Variants in HESX1 observed in about 807,000 individuals in gnomAD.
HESX1 encodes homeobox expressed in ES cells 1.
Under a neutral mutation model 22.5 loss-of-function variants are expected in HESX1, and 11 were observed. The observed-to-expected ratio is 0.49, with a 90% CI of 0.31 to 0.81. The LOEUF (loss-of-function observed/expected upper bound fraction) is 0.81, where lower values mean the gene tolerates loss of function less well. Among genes scored for constraint, HESX1 ranks in the 30% least tolerant of loss-of-function variants. The probability of loss-of-function intolerance (pLI) is 0.05; values close to 1 mark genes in which losing one functional copy is unlikely to be tolerated. For synonymous variants in HESX1, 74 were observed against 76.5 expected (o/e 0.97, Z 0.17); for missense variants, 201 against 212.6 (o/e 0.95, Z 0.34).
chr3:57,219,036 A>G (rs771474906), intron 1 of HESX1, among the ~76,000 whole-genome samples: 1 of 152,198 alleles, frequency 6.6e-6, no homozygotes, highest in Non-Finnish European at 1.5e-5. Flanking sequence ...TCCCACCAAT[A>G]GTGTACAAGT....
At chr3:57,210,224 T>C (rs1310596566) in intron 1 of HESX1, among the ~76,000 whole-genome samples, 2 of 152,224 alleles carry the variant, frequency 1.3e-5, no homozygotes, top group Non-Finnish European at 2.9e-5. Flanking sequence ...AGGAATAAAA[T>C]TGGACAGTCT....
At chr3:57,199,666 G>C in intron 1 of HESX1, 96 bp downstream of exon 1, 1 of 919,532 alleles carries the variant, frequency 1.1e-6, no homozygotes, top group Non-Finnish European at 1.7e-6. Flanking sequence ...TTAAATTAAA[G>C]TCCTAAACTC....
chr3:57,205,878 G>A (rs747064533), intron 1 of HESX1, among the ~76,000 whole-genome samples: 2 of 151,996 alleles, frequency 1.3e-5, no homozygotes, highest in South Asian at 2.1e-4. Flanking sequence ...TTTGTGTCCT[G>A]TTCACTCCCT....
intron 1 of HESX1, among the ~76,000 whole-genome samples, chr3:57,225,729 AAC>A (rs900599036): frequency 2.0e-5 from 3 of 152,208 alleles, no homozygotes; most frequent in Non-Finnish European, 2.9e-5. Flanking sequence ...CCTTTACAGA[AAC>A]ACAGTTTAGA....
At chr3:57,222,614 G>C (rs997112266) in intron 1 of HESX1, among the ~76,000 whole-genome samples, 1 of 151,952 alleles carries the variant, frequency 6.6e-6, no homozygotes, top group African/African-American at 2.4e-5. Flanking sequence ...TCCCATGTGG[G>C]GTAAGTGTCA....
chr3:57,226,483 A>C (rs972695501), exon 1 of HESX1: 1 of 152,204 alleles, frequency 6.6e-6, no homozygotes, highest in Non-Finnish European at 1.5e-5. Context: ...CTGATAAACA[A>C]TCTAAGGGGA....
At chr3:57,209,828 G>A (rs1350960484) in intron 1 of HESX1, among the ~76,000 whole-genome samples, 1 of 152,072 alleles carries the variant, frequency 6.6e-6, no homozygotes, top group Non-Finnish European at 1.5e-5. Context: ...ATGTTATAAT[G>A]AATACAAACA....
At chr3:57,200,112 G>T, upstream of HESX1, 1 of 589,246 alleles carries the variant, frequency 1.7e-6, no homozygotes, top group Non-Finnish European at 3.0e-6. Context: ...AGCAGCTTAA[G>T]GAGTTAATTG....
chr3:57,208,369 TGA>T (rs1362294370), intron 1 of HESX1, among the ~76,000 whole-genome samples: 2 of 146,346 alleles, frequency 1.4e-5, no homozygotes, highest in Non-Finnish European at 3.0e-5. Context: ...ATTGATTGAT[TGA>T]GATGGAGTCT....
intron 1 of HESX1, among the ~76,000 whole-genome samples, chr3:57,215,728 T>C (rs1035144054): frequency 6.6e-6 from 1 of 151,958 alleles, no homozygotes; most frequent in African/African-American, 2.4e-5. Flanking sequence ...GGTCGTGCCA[T>C]TGCACTCCAG....
chr3:57,225,744 T>A (rs1030411166), intron 1 of HESX1, among the ~76,000 whole-genome samples: 16 of 152,176 alleles, frequency 1.1e-4, no homozygotes, highest in South Asian at 2.1e-4. Flanking sequence ...AGTTTAGATG[T>A]ACATAACATA....
rs544161822 is a variant in HESX1, at chr3:57,197,855, T to G, written c.*342A>C. 23 of 173,654 alleles carry G rather than the reference T, an allele frequency of 1.3e-4. No homozygotes were observed. Among genetic ancestry groups the G allele is most frequent in the Middle Eastern group, 5.8e-3 (2 of 342 alleles). The allele number at this position is 173,654 out of a possible 1,614,324, so 10.8% of individuals were successfully genotyped here. Reference sequence around the variant, plus strand: ...ACTCACACTTTTGTTCTTCAGATTATTTTACTTGAAATACTTTATAATTAG... The same window carrying G: ...ACTCACACTTTTGTTCTTCAGATTAGTTTACTTGAAATACTTTATAATTAG... On this transcript the variant is annotated 3_prime_UTR_variant, in exon 4 of 4. Coordinates refer to ENST00000295934, the MANE Select transcript of HESX1 (RefSeq NM_003865.3).
chr3:57,225,606 G>A (rs953987913), intron 1 of HESX1, among the ~76,000 whole-genome samples: 3 of 152,160 alleles, frequency 2.0e-5, no homozygotes, highest in Non-Finnish European at 2.9e-5. Context: ...CTCCCAAAGT[G>A]CTGGGATTAC....
At position 57,208,593 on chromosome 3, in the gene HESX1, A is replaced by G. The variant is rs997537680; in HGVS notation, c.-110-8565T>C. On this transcript the variant is annotated intron_variant, in intron 1 of 2. Transcript: ENST00000495160. ...TCGAACTCCTGACCTCAAGTGATCC[A>G]CCCACCTTGGCCTCCCAAAGTGCTG... is the stretch of plus-strand genomic sequence containing the variant. Among the ~76,000 whole-genome samples the G allele has an allele frequency of 9.4e-5, 14 of 148,810 alleles. 1 individual carries two copies. Among genetic ancestry groups the G allele is most frequent in the Middle Eastern group, 7.0e-3 (2 of 286 alleles).
intron 1 of HESX1, among the ~76,000 whole-genome samples, chr3:57,214,968 A>G (rs2060575635): frequency 6.6e-6 from 1 of 152,234 alleles, no homozygotes; most frequent in Non-Finnish European, 1.5e-5. Context: ...ACAAATGGGC[A>G]AGTATTTAGC....
At chr3:57,210,777 GT>G (rs1378876886) in intron 1 of HESX1, among the ~76,000 whole-genome samples, 1 of 152,126 alleles carries the variant, frequency 6.6e-6, no homozygotes, top group Non-Finnish European at 1.5e-5. Flanking sequence ...CTTGAACAGG[GT>G]TTAACTATTG....
intron 1 of HESX1, chr3:57,226,240 G>A (rs2060643904): frequency 6.6e-6 from 1 of 151,536 alleles, no homozygotes; most frequent in South Asian, 2.1e-4. Context: ...CTTAACAGTT[G>A]CCACAACCTT....
upstream of HESX1, among the ~76,000 whole-genome samples, chr3:57,200,369 TAATA>T (rs548251226): frequency 7.9e-5 from 12 of 152,324 alleles, no homozygotes; most frequent in South Asian, 2.5e-3. Flanking sequence ...AGCAGTCGAG[TAATA>T]AATAATCTAA....
At chr3:57,198,545 T>G (rs1201941165) in intron 2 of HESX1, 53 bp from the exon 3 acceptor site, 3 of 1,187,782 alleles carry the variant, frequency 2.5e-6, no homozygotes, top group Middle Eastern at 2.7e-4. Flanking sequence ...GAGCTTTAAT[T>G]TCTAGAGTAA....
Sources: allele counts gnomAD v4.1 joint callset (sites outside exome capture counted in the v4.1 genomes callset), GRCh38; gene constraint gnomAD v4.1.1; transcripts MANE v1.5; gene names NCBI Gene and HGNC (gene_info 2026-07-23, HGNC 2026-07-21).